Variants in SYNE1 observed in about 807,000 individuals in gnomAD.
SYNE1 encodes nesprin-1.
In SYNE1, 616 loss-of-function variants were observed where a neutral mutation model predicts 1,111.0. The observed-to-expected ratio is 0.55, with a 90% confidence interval of 0.52 to 0.59. The LOEUF (loss-of-function observed/expected upper bound fraction) is 0.59, where lower values mean the gene tolerates loss of function less well. SYNE1 is among the 20% of genes least tolerant of loss of function. The pLI is 0.00. For synonymous variants in SYNE1, 3,855 were observed against 3,825.8 expected (o/e 1.01, Z -0.28); for missense variants, 10,006 against 10,417.0 (o/e 0.96, Z 1.72).
At chr6:152,371,703 A>G (rs1591343076) in intron 59 of SYNE1, among the ~76,000 whole-genome samples, 2 of 45,344 alleles carry the variant, frequency 4.4e-5, no homozygotes, top group Non-Finnish European at 7.8e-5. Context: ...AGGAGAGGGG[A>G]AGGGGTTGGG....
rs75625616 is a variant in SYNE1, at chr6:152,430,936, C to T, written c.4462-227G>A. ...GGGGGTGCTTGCTGGATAGAGCATA[C>T]GGAGAAATAGCTACTCTTGCTTGCA... is the stretch of plus-strand genomic sequence containing the variant. On this transcript the variant is annotated intron_variant, in intron 34 of 145. Coordinates refer to ENST00000367255, the MANE Select transcript of SYNE1 (RefSeq NM_182961.4). Among the ~76,000 whole-genome samples the T allele has an allele frequency of 5.0e-3, 763 of 152,102 alleles. 9 individuals are homozygous for T. Among genetic ancestry groups the T allele is most frequent in the African/African-American group, 0.017 (700 of 41,488 alleles).
chr6:152,156,547 C>T (rs898476992), intron 131 of SYNE1, among the ~76,000 whole-genome samples: 1 of 152,142 alleles, frequency 6.6e-6, no homozygotes, highest in Non-Finnish European at 1.5e-5. Flanking sequence ...ATTTGCATAC[C>T]TCCTACACAC....
intron 112 of SYNE1, among the ~76,000 whole-genome samples, chr6:152,232,552 A>G (rs1041998751): frequency 1.3e-5 from 2 of 152,242 alleles, no homozygotes; most frequent in Non-Finnish European, 2.9e-5. Context: ...TTCTTATTTT[A>G]TAACTAGTTT....
chr6:152,398,692 T>G lies in SYNE1; in HGVS notation c.7277A>C (p.Lys2426Thr), dbSNP rs764200857. Reference protein sequence around the residue: ...QEFQEWFLGAKAAAKESSDRT... With the variant: ...QEFQEWFLGATAAAKESSDRT... Reference sequence around the variant, plus strand: ...ATCTGATGATTCTTTTGCTGCTGCCTTTGCTCCCAAAAACCATTCTTGGAA... The same window carrying G: ...ATCTGATGATTCTTTTGCTGCTGCCGTTGCTCCCAAAAACCATTCTTGGAA... Residue 2426 changes from lysine to threonine, a missense_variant, in exon 49 of 146, where the codon AAG (lysine) becomes ACG (threonine). Lys to Thr is a moderately conservative substitution (Grantham distance 78). Around this residue, in one of 7 missense-constraint regions of SYNE1, gnomAD observed 4,955 missense variants for 5,017.2 expected, o/e 0.99. Transcript: ENST00000367255. The G allele has an allele frequency of 3.7e-5, 60 of 1,613,836 alleles. No homozygotes were observed. Among genetic ancestry groups the G allele is most frequent in the Non-Finnish European group, 5.0e-5 (59 of 1,179,880 alleles).
At chr6:152,283,894 A>G in intron 96 of SYNE1, 84 bp downstream of exon 96, 1 of 1,144,798 alleles carries the variant, frequency 8.7e-7, no homozygotes, top group Non-Finnish European at 1.3e-6. Context: ...GAAAATGTAA[A>G]TACGTAAGTA....
At chr6:152,511,590 G>A in intron 6 of SYNE1, 1 of 1,612,390 alleles carries the variant, frequency 6.2e-7, no homozygotes, top group Non-Finnish European at 8.5e-7. Context: ...TCTGTGCATG[G>A]ACTGACATGA....
intron 3 of SYNE1, among the ~76,000 whole-genome samples, chr6:152,581,473 A>G (rs1582878914): frequency 6.6e-6 from 1 of 152,344 alleles, no homozygotes; most frequent in South Asian, 2.1e-4. Context: ...TGATGTAGGG[A>G]CTTCAGAGTA....
intron 112 of SYNE1, among the ~76,000 whole-genome samples, chr6:152,233,403 C>T (rs953550990): frequency 2.0e-5 from 3 of 152,036 alleles, no homozygotes; most frequent in African/African-American, 4.8e-5. Context: ...TCTCGGCTCA[C>T]TCCATCTGCC....
chr6:152,585,342 A>G (rs950368960), intron 3 of SYNE1, among the ~76,000 whole-genome samples: 1 of 152,264 alleles, frequency 6.6e-6, no homozygotes, highest in African/African-American at 2.4e-5. Flanking sequence ...ATTATCAAAA[A>G]TGTTGCAATT....
intron 101 of SYNE1, among the ~76,000 whole-genome samples, chr6:152,258,167 C>A (rs4869761): frequency 0.65 from 99,474 of 152,016 alleles, 33,027 homozygotes; most frequent in East Asian, 0.88. Flanking sequence ...ACTGTCCATC[C>A]AATATAGAGG....
chr6:152,442,183 C>T lies in SYNE1; in HGVS notation c.3900G>A (p.Gln1300=), dbSNP rs1257019479. Residue 1300 remains glutamine (Q), a synonymous_variant, in exon 31 of 146, where the codon CAG becomes CAA. Coordinates refer to ENST00000367255, the MANE Select transcript of SYNE1 (RefSeq NM_182961.4). ...RDVQQQIAQA[Q]QGEGGLPDRG... is the part of the protein sequence containing the mutation. Reference sequence around the variant, plus strand: ...GGTCAGGCAGCCCCCCTTCTCCCTGCTGCGCCTGCGCGATCTGCTGCTGCA... The same window carrying T: ...GGTCAGGCAGCCCCCCTTCTCCCTGTTGCGCCTGCGCGATCTGCTGCTGCA... 1 of 1,613,744 alleles carries T rather than the reference C, an allele frequency of 6.2e-7. No homozygotes were observed. Among genetic ancestry groups the T allele is most frequent in the Admixed American group, 1.7e-5 (1 of 60,030 alleles).
rs773916287 is a variant in SYNE1, at chr6:152,502,752, C to A, written c.779-10G>T. 3.2e-6 allele frequency: 5 copies of A among 1,580,800 alleles called. No homozygotes were observed. Among genetic ancestry groups the A allele is most frequent in the Non-Finnish European group, 4.3e-6 (5 of 1,151,144 alleles). ...TTATCCACATCAACGTCTGAAAAAA[C>A]AAAAAAGAAATGTGAATAAACTAAT... On this transcript the variant is annotated splice_polypyrimidine_tract_variant and intron_variant, in intron 9 of 145. Coordinates refer to ENST00000367255, the MANE Select transcript of SYNE1 (RefSeq NM_182961.4).
chr6:152,310,360 C>G (rs754225486), intron 89 of SYNE1, 36 bp downstream of exon 89: 1 of 1,612,932 alleles, frequency 6.2e-7, no homozygotes, highest in Non-Finnish European at 8.5e-7. Context: ...AAATATAGGT[C>G]CCTGTCCCTA....
At chr6:152,296,988 C>G (rs2094913732) in intron 93 of SYNE1, among the ~76,000 whole-genome samples, 1 of 152,068 alleles carries the variant, frequency 6.6e-6, no homozygotes, top group African/African-American at 2.4e-5. Flanking sequence ...TTGCACACTT[C>G]TATTCTCCTG....
chr6:152,527,967 G>T (rs760896733), intron 4 of SYNE1, among the ~76,000 whole-genome samples: 8 of 152,142 alleles, frequency 5.3e-5, no homozygotes, highest in Middle Eastern at 6.8e-3. Context: ...CCTCCACAAG[G>T]CTCCTGGAAT....
At chr6:152,420,619 CA>C (rs1161029208) in intron 39 of SYNE1, among the ~76,000 whole-genome samples, 5 of 151,740 alleles carry the variant, frequency 3.3e-5, no homozygotes, top group African/African-American at 1.2e-4. Context: ...GACTCTGTCT[CA>C]AAAGAAAAAA....
At chr6:152,600,165 A>G (rs749425407) in intron 3 of SYNE1, among the ~76,000 whole-genome samples, 27 of 152,226 alleles carry the variant, frequency 1.8e-4, no homozygotes, top group Non-Finnish European at 3.4e-4. Context: ...ACAGTTTAAC[A>G]GGAGGATAGC....
rs545360016 is a variant in SYNE1 at position 152,276,744 on chromosome 6, G to A, written c.18573+1345C>T. ...GGTGTAAATGGTAAAGGAAGGCACAGTTTGGATTAGGCCACAAGAAGGAGC... is the reference window on the plus strand; with the variant it reads ...GGTGTAAATGGTAAAGGAAGGCACAATTTGGATTAGGCCACAAGAAGGAGC... On this transcript the variant is annotated intron_variant, in intron 98 of 145. Transcript: ENST00000367255. Among the ~76,000 whole-genome samples, 4 of 152,270 alleles carry A rather than the reference G, an allele frequency of 2.6e-5. No individual in the cohort carries two copies. In the South Asian group the frequency reaches 8.3e-4, roughly 32 times the overall value.
chr6:152,283,901 AG>A (rs2094173145), intron 96 of SYNE1, 76 bp downstream of exon 96: 2 of 1,198,880 alleles, frequency 1.7e-6, no homozygotes, highest in Non-Finnish European at 2.5e-6. Context: ...TAAATACGTA[AG>A]TAACCCACAT....
Sources: gnomAD v4.1 joint callset for allele counts (sites outside exome capture counted in the v4.1 genomes callset) on GRCh38, gnomAD v4.1.1 for gene constraint, gnomAD v4.1.1 regional missense constraint, MANE v1.5 for transcripts, NCBI Gene and HGNC (gene_info 2026-07-23, HGNC 2026-07-21) for gene names.